PCDHGA5: variants seen among roughly 807,000 people sequenced by gnomAD.
PCDHGA5 encodes the protein protocadherin gamma-A5.
Under a neutral mutation model 56.7 loss-of-function variants are expected in PCDHGA5, and 36 were observed. The observed-to-expected ratio is 0.64, with a 90% CI of 0.49 to 0.84. The LOEUF is 0.84. Ranked by LOEUF, PCDHGA5 falls within the 40% of genes least tolerant of loss-of-function variation. PCDHGA5 has a pLI of 0.00. For synonymous variants in PCDHGA5, 563 were observed against 520.2 expected (o/e 1.08, Z -1.12); for missense variants, 1,305 against 1,201.5 (o/e 1.09, Z -1.27).
chr5:141,410,329 G>A, intron 1 of PCDHGA5: 4 of 1,613,982 alleles, frequency 2.5e-6, no homozygotes, highest in Non-Finnish European at 3.4e-6. Flanking sequence ...CCGTGATTCT[G>A]GCCATTGCCT....
At chr5:141,415,312 A>G (rs1245475147) in intron 1 of PCDHGA5, 1 of 1,614,222 alleles carries the variant, frequency 6.2e-7, no homozygotes, top group Non-Finnish European at 8.5e-7. Context: ...GGCCTTCGTC[A>G]TCGTGCTGCT....
At chr5:141,389,433 G>C in intron 1 of PCDHGA5, 1 of 1,610,628 alleles carries the variant, frequency 6.2e-7, no homozygotes, top group Non-Finnish European at 8.5e-7. Context: ...CGCGCAGCGC[G>C]CCTTCGACCA....
In PCDHGA5 at chr5:141,431,584, G is replaced by C. The variant is rs201462681; in HGVS notation, c.2422-63223G>C. 5.0e-6 allele frequency: 8 copies of C among 1,614,192 alleles called. No individual in the cohort carries two copies. The Admixed American group carries it at 1.3e-4, about 27-fold the overall frequency. ...CCGACCCTGACGAAGGAGTCAATGC[G>C]GAAGTGAGGTATTCCTTCCGGTATG... On this transcript the variant is annotated intron_variant, in intron 1 of 3. Transcript: ENST00000518069. This position sits in a 1 kb window ranked among gnomAD's most constrained non-coding sequence, Gnocchi z 4.8.
At chr5:141,421,603 G>T (rs1207844782) in intron 1 of PCDHGA5, 4 of 1,613,758 alleles carry the variant, frequency 2.5e-6, no homozygotes, top group Non-Finnish European at 3.4e-6. Context: ...GGAAATAATA[G>T]ATATTAATGA....
chr5:141,486,253 C>G lies in PCDHGA5; in HGVS notation c.2422-8554C>G. On this transcript the variant is annotated intron_variant, in intron 1 of 3. Coordinates refer to ENST00000518069, the MANE Select transcript of PCDHGA5 (RefSeq NM_018918.3). The surrounding 1 kb of genome is among the most constrained non-coding windows in gnomAD (Gnocchi z 5.0). Reference sequence around the variant, plus strand: ...TGACCTCAGAGCTTGGAACCCTCCCCGAGAGTGCAGAACCTGGCACTGTGG... The same window carrying G: ...TGACCTCAGAGCTTGGAACCCTCCCGGAGAGTGCAGAACCTGGCACTGTGG... The G allele has an allele frequency of 6.2e-7, 1 of 1,614,138 alleles. No homozygotes were observed. Among genetic ancestry groups the G allele is most frequent in the East Asian group, 2.2e-5 (1 of 44,866 alleles).
rs1363891858 is a variant in PCDHGA5, at chr5:141,491,369, C to T, written c.2422-3438C>T. 8.7e-6 allele frequency: 14 copies of T among 1,614,110 alleles called. No homozygotes were observed. Among genetic ancestry groups the T allele is most frequent in the East Asian group, 2.2e-5 (1 of 44,866 alleles). On this transcript the variant is annotated intron_variant, in intron 1 of 3. Coordinates refer to ENST00000518069, the MANE Select transcript of PCDHGA5 (RefSeq NM_018918.3). The surrounding 1 kb of genome is among the most constrained non-coding windows in gnomAD (Gnocchi z 6.9). ...AGTCTCTTATCCCTAGTCACCTTCACCTTTCTGTCAGCGAAGTGCCTTCAG... is the reference window on the plus strand; with the variant it reads ...AGTCTCTTATCCCTAGTCACCTTCATCTTTCTGTCAGCGAAGTGCCTTCAG...
At chr5:141,444,288 C>T (rs2098430665) in intron 1 of PCDHGA5, among the ~76,000 whole-genome samples, 1 of 150,100 alleles carries the variant, frequency 6.7e-6, no homozygotes, top group South Asian at 2.1e-4. Flanking sequence ...TCTCCTGCCT[C>T]AGCCTCCCTA....
In PCDHGA5 at chr5:141,476,132, T is replaced by C. The variant is rs751708569; in HGVS notation, c.2422-18675T>C. 2 of 1,607,820 alleles carry C rather than the reference T, an allele frequency of 1.2e-6. No homozygotes were observed. The highest frequency in any genetic ancestry group is 1.1e-5 in the South Asian group (1 of 90,582). On this transcript the variant is annotated intron_variant, in intron 1 of 3. Coordinates refer to ENST00000518069, the MANE Select transcript of PCDHGA5 (RefSeq NM_018918.3). The surrounding 1 kb of genome is among the most constrained non-coding windows in gnomAD (Gnocchi z 7.6). ...TTTGAGTGAGATGGTCCCAGAGGCC[T>C]GGAGGAGCGGACTGGTAAGCACCGG...
intron 1 of PCDHGA5, chr5:141,478,270 C>G (rs1347709530): frequency 5.6e-6 from 9 of 1,614,078 alleles, no homozygotes; most frequent in Non-Finnish European, 6.8e-6. Context: ...TCAAAGTTTA[C>G]AAGTGGAAGC....
intron 1 of PCDHGA5, among the ~76,000 whole-genome samples, chr5:141,369,915 A>G (rs1429162797): frequency 6.6e-6 from 1 of 152,226 alleles, no homozygotes; most frequent in African/African-American, 2.4e-5. Flanking sequence ...TGAAAATGGA[A>G]ACTAAAAACG....
intron 1 of PCDHGA5, chr5:141,399,784 G>A: frequency 6.2e-7 from 1 of 1,613,288 alleles, no homozygotes; most frequent in Non-Finnish European, 8.5e-7. Context: ...CGACCGAAAC[G>A]ACAACGCACC....
chr5:141,379,652 T>C (rs905079980), intron 1 of PCDHGA5: 2 of 152,132 alleles, frequency 1.3e-5, no homozygotes, highest in Non-Finnish European at 2.9e-5. Flanking sequence ...ACTACCAACT[T>C]CTACTCTCAC....
intron 1 of PCDHGA5, chr5:141,393,545 C>CCCGATTTA (rs1171677857): frequency 1.2e-6 from 2 of 1,613,858 alleles, no homozygotes; most frequent in African/African-American, 1.3e-5. Context: ...TTTTTCCTCA[C>CCCGATTTA]CCGATTTACC....
chr5:141,511,374 CA>C lies in PCDHGA5; in HGVS notation c.*202del. ...CCCCAGGGGGTTGAATATGCAAAAG[CA>C]GTTCCGCTGGGAACCCCCATCCAAT... On this transcript the variant is annotated 3_prime_UTR_variant, in exon 4 of 4. Coordinates refer to ENST00000518069, the MANE Select transcript of PCDHGA5 (RefSeq NM_018918.3). The C allele has an allele frequency of 8.0e-7, 1 of 1,242,392 alleles. No individual in the cohort carries two copies. 77.0% of individuals were successfully genotyped at this position (1,242,392 alleles called of 1,614,324 possible).
intron 1 of PCDHGA5, among the ~76,000 whole-genome samples, chr5:141,449,290 G>A (rs1255760925): frequency 1.3e-5 from 2 of 151,934 alleles, no homozygotes; most frequent in Admixed American, 6.6e-5. Context: ...CGGATGCACC[G>A]GGTGAATTAT....
rs746408347 is a variant in PCDHGA5 at position 141,486,293 on chromosome 5, G to A, written c.2422-8514G>A. ...TGGCACTGTGGTGGCACTTATCAGT[G>A]TGCAGGATCCAGACTCAGGGTCAAA... On this transcript the variant is annotated intron_variant, in intron 1 of 3. Transcript: ENST00000518069. This position sits in a 1 kb window ranked among gnomAD's most constrained non-coding sequence, Gnocchi z 5.0. The A allele has an allele frequency of 3.1e-6, 5 of 1,614,018 alleles. No homozygotes were observed. In the Admixed American group the frequency reaches 8.3e-5, roughly 27 times the overall value.
chr5:141,386,950 A>G (rs538175836), intron 1 of PCDHGA5, among the ~76,000 whole-genome samples: 1 of 152,246 alleles, frequency 6.6e-6, no homozygotes, highest in African/African-American at 2.4e-5. Flanking sequence ...GCAGTGCTTC[A>G]GTGCAGCAGA....
chr5:141,503,362 G>A (rs565902559), intron 2 of PCDHGA5, among the ~76,000 whole-genome samples: 32 of 152,054 alleles, frequency 2.1e-4, no homozygotes, highest in African/African-American at 6.5e-4. Context: ...TTTGGGAAGC[G>A]GAGGCAGGTG....
intron 1 of PCDHGA5, among the ~76,000 whole-genome samples, chr5:141,373,754 ATAT>A (rs1224910859): frequency 6.6e-6 from 1 of 152,230 alleles, no homozygotes; most frequent in Non-Finnish European, 1.5e-5. Context: ...GGGGAGGGAA[ATAT>A]TATGAGTGTC....
Sources: gnomAD v4.1 joint callset for allele counts (sites outside exome capture counted in the v4.1 genomes callset) on GRCh38, gnomAD v4.1.1 for gene constraint, Gnocchi (gnomAD v3.1) non-coding constraint, MANE v1.5 for transcripts, NCBI Gene and HGNC (gene_info 2026-07-23, HGNC 2026-07-21) for gene names.